Variants in ENTHD1 observed in about 807,000 individuals in gnomAD.
ENTHD1 encodes ENTH domain-containing protein 1.
In ENTHD1, 23 loss-of-function variants were observed where a neutral mutation model predicts 39.1. That is an observed-to-expected ratio of 0.59 (90% confidence interval 0.42 to 0.83). ENTHD1 has a LOEUF of 0.83. Among genes scored for constraint, ENTHD1 ranks in the 40% least tolerant of loss-of-function variants. The pLI, the probability that ENTHD1 is intolerant of heterozygous loss-of-function variation, is 0.00. For missense variants in ENTHD1, 624 were observed against 705.4 expected (o/e 0.88, Z 1.31); for synonymous variants, 230 against 258.2 (o/e 0.89, Z 1.05).
chr22:39,755,871 T>C (rs188953547), intron 6 of ENTHD1, among the ~76,000 whole-genome samples: 8 of 152,300 alleles, frequency 5.3e-5, no homozygotes, highest in Admixed American at 2.0e-4. Context: ...TTATCTTTGT[T>C]CTATAGATGA....
chr22:39,869,645 A>AG (rs1420641444), intron 2 of ENTHD1, among the ~76,000 whole-genome samples: 1 of 152,046 alleles, frequency 6.6e-6, no homozygotes, highest in African/African-American at 2.4e-5. Flanking sequence ...TGTAAAAAAA[A>AG]AAAAAAAACC....
chr22:39,795,282 G>A (rs930073133), intron 5 of ENTHD1, among the ~76,000 whole-genome samples: 81 of 152,320 alleles, frequency 5.3e-4, no homozygotes, highest in African/African-American at 1.6e-3. Context: ...CCTAGAATGA[G>A]TTAGGGAGAA....
intron 3 of ENTHD1, among the ~76,000 whole-genome samples, chr22:39,859,672 C>A (rs1038955543): frequency 6.6e-6 from 1 of 152,016 alleles, no homozygotes; most frequent in Non-Finnish European, 1.5e-5. Flanking sequence ...GTTTGTGGTA[C>A]CCCAAAACAA....
chr22:39,765,006 C>T (rs979722322), intron 6 of ENTHD1, among the ~76,000 whole-genome samples: 46 of 152,152 alleles, frequency 3.0e-4, no homozygotes, highest in African/African-American at 1.1e-3. Flanking sequence ...TCAGAACCCA[C>T]GGTGATGAAT....
chr22:39,888,260 CTTTTTTTTTTT>C (rs61092462), intron 1 of ENTHD1, among the ~76,000 whole-genome samples: 4 of 110,656 alleles, frequency 3.6e-5, no homozygotes, highest in Admixed American at 1.8e-4. Context: ...TTCTTTCTTT[CTTTTTTTTTTT>C]TTTTTTTTTT....
intron 2 of ENTHD1, among the ~76,000 whole-genome samples, chr22:39,885,225 CCAA>C (rs2066370425): frequency 6.6e-6 from 1 of 152,088 alleles, no homozygotes; most frequent in African/African-American, 2.4e-5. Flanking sequence ...ATACAAATTG[CCAA>C]CAACGACATG....
chr22:39,880,504 G>T (rs545243276), intron 2 of ENTHD1, among the ~76,000 whole-genome samples: 1 of 152,094 alleles, frequency 6.6e-6, no homozygotes, highest in African/African-American at 2.4e-5. Flanking sequence ...ATAACTGTAC[G>T]TTCATCGATT....
chr22:39,754,259 T>G (rs903001884), intron 6 of ENTHD1, among the ~76,000 whole-genome samples: 1 of 152,248 alleles, frequency 6.6e-6, no homozygotes, highest in Non-Finnish European at 1.5e-5. Flanking sequence ...GGCTGTAGTT[T>G]GCCACCCACT....
At chr22:39,815,546 A>G (rs142738402) in intron 5 of ENTHD1, among the ~76,000 whole-genome samples, 1 of 152,204 alleles carries the variant, frequency 6.6e-6, no homozygotes, top group Non-Finnish European at 1.5e-5. Context: ...AGCAACTGCA[A>G]CTAGAACTTT....
chr22:39,767,415 G>A (rs1032942008), intron 5 of ENTHD1, among the ~76,000 whole-genome samples: 2 of 152,070 alleles, frequency 1.3e-5, no homozygotes, highest in Non-Finnish European at 2.9e-5. Flanking sequence ...CTTGAGCCCA[G>A]GAGTTTGAGA....
At chr22:39,753,985 C>T (rs565817027) in intron 6 of ENTHD1, among the ~76,000 whole-genome samples, 1 of 152,284 alleles carries the variant, frequency 6.6e-6, no homozygotes, top group East Asian at 1.9e-4. Flanking sequence ...CAGTCTAGAT[C>T]CCCATTCTCC....
At chr22:39,746,907 G>T (rs2065109894) in intron 6 of ENTHD1, among the ~76,000 whole-genome samples, 1 of 152,158 alleles carries the variant, frequency 6.6e-6, no homozygotes, top group African/African-American at 2.4e-5. Flanking sequence ...ACTCTGCCAT[G>T]GGTTGCAGAG....
At chr22:39,744,655 G>T (rs910873203) in intron 6 of ENTHD1, among the ~76,000 whole-genome samples, 1 of 152,132 alleles carries the variant, frequency 6.6e-6, no homozygotes, top group Non-Finnish European at 1.5e-5. Flanking sequence ...ATTTAAAGTA[G>T]AAAGTGAGAA....
At chr22:39,819,518 A>C (rs999426339) in intron 5 of ENTHD1, among the ~76,000 whole-genome samples, 3 of 152,152 alleles carry the variant, frequency 2.0e-5, no homozygotes, top group Admixed American at 2.0e-4. Flanking sequence ...TCTGATTCCA[A>C]CTATATGATG....
At chr22:39,751,696 A>T (rs2065148570) in intron 6 of ENTHD1, among the ~76,000 whole-genome samples, 1 of 152,160 alleles carries the variant, frequency 6.6e-6, no homozygotes, top group Admixed American at 6.5e-5. Flanking sequence ...ATAAAATTAA[A>T]TTTTTTTCAT....
At chr22:39,869,983 C>CTTTATTTATTTATTTATTTA (rs137943) in intron 2 of ENTHD1, among the ~76,000 whole-genome samples, 2 of 140,630 alleles carry the variant, frequency 1.4e-5, no homozygotes, top group Admixed American at 7.1e-5. Context: ...GAGAACAGTA[C>CTTTATTTATTTATTTATTTA]TTTATTTATT....
chr22:39,876,661 A>G (rs1191479363), intron 2 of ENTHD1, among the ~76,000 whole-genome samples: 1 of 152,236 alleles, frequency 6.6e-6, no homozygotes, highest in Non-Finnish European at 1.5e-5. Context: ...AATTCATCCA[A>G]CTGTATACTT....
intron 6 of ENTHD1, among the ~76,000 whole-genome samples, chr22:39,747,125 T>C (rs1055224101): frequency 1.5e-4 from 23 of 152,168 alleles, no homozygotes; most frequent in African/African-American, 5.6e-4. Context: ...TAGCTGAGAC[T>C]ACAGGTGTGG....
At chr22:39,806,753 AGAG>A (rs1224031082) in intron 5 of ENTHD1, among the ~76,000 whole-genome samples, 1 of 152,158 alleles carries the variant, frequency 6.6e-6, no homozygotes. Context: ...TTCAGAGCCC[AGAG>A]GAGGAGAACA....
Sources: allele counts gnomAD v4.1 joint callset (sites outside exome capture counted in the v4.1 genomes callset), GRCh38; gene constraint gnomAD v4.1.1; transcripts MANE v1.5; gene names NCBI Gene and HGNC (gene_info 2026-07-23, HGNC 2026-07-21).